ZNF705G: variants seen among roughly 807,000 people sequenced by gnomAD.
ZNF705G encodes the protein zinc finger protein 705G.
Under a neutral mutation model 19.6 loss-of-function variants are expected in ZNF705G, and 23 were observed. That is an observed-to-expected ratio of 1.17 (90% confidence interval 0.84 to 1.66). The LOEUF (loss-of-function observed/expected upper bound fraction) is 1.66. Ranked by LOEUF, ZNF705G falls within the 40% of genes most tolerant of loss-of-function variation. The pLI, the probability that ZNF705G is intolerant of heterozygous loss-of-function variation, is 0.00. For synonymous variants in ZNF705G, 146 were observed against 117.7 expected (o/e 1.24, Z -1.56); for missense variants, 457 against 354.4 (o/e 1.29, Z -2.32).
intron 2 of ZNF705G, among the ~76,000 whole-genome samples, chr8:7,364,246 C>T (rs1222561198): frequency 6.0e-5 from 9 of 149,468 alleles, no homozygotes; most frequent in Non-Finnish European, 8.8e-5. Flanking sequence ...CAGGGGGAAA[C>T]ATGCATGTAT....
chr8:7,358,163 T>G lies in ZNF705G; in HGVS notation c.716A>C (p.Gln239Pro), dbSNP rs756287928. 2.1e-5 allele frequency: 34 copies of G among 1,607,528 alleles called. 2 individuals are homozygous for G. The African/African-American group carries it at 3.7e-4, about 17-fold the overall frequency. The change falls in exon 7 of 7, where the codon CAA becomes CCA. Residue 239 changes from glutamine (Q) to proline (P), a missense_variant. Physicochemically the swap from Gln to Pro is moderately conservative, Grantham distance 76. Coordinates refer to ENST00000400156, the MANE Select transcript of ZNF705G (RefSeq NM_001164457.3). The stretch of plus-strand genomic sequence containing the variant: ...CTCATGTCTTTGAAGGTTAAAGGAT[T>G]GAATAAAGACTTTCCCATATTGATG... ...KCHQYGKVFI[Q>P]SFNLQRHERT...
intron 2 of ZNF705G, among the ~76,000 whole-genome samples, chr8:7,370,148 G>A (rs1483324983): frequency 6.8e-6 from 1 of 148,116 alleles, no homozygotes; most frequent in Non-Finnish European, 1.5e-5. Context: ...CCGGGTGCCT[G>A]TAGTCCCAGC....
rs749081793 is a variant in ZNF705G, at chr8:7,361,116, A to T, written c.133T>A (p.Ser45Thr). 6.3e-7 allele frequency: 1 copy of T among 1,592,690 alleles called. No homozygotes were observed. Among genetic ancestry groups the T allele is most frequent in the Admixed American group, 1.7e-5 (1 of 59,934 alleles). Reference sequence around the variant, plus strand: ...TGAATGTTCAGGGACTCACCGAGGGACACCAGGTGACTGATATTTTCCAGC... The same window carrying T: ...TGAATGTTCAGGGACTCACCGAGGGTCACCAGGTGACTGATATTTTCCAGC... ...VMLENISHLV[S>T]LGYQISKSYI... Residue 45 changes from serine (S) to threonine (T), a missense_variant, in exon 4 of 7, where the codon TCC (serine) becomes ACC (threonine). Ser to Thr is a moderately conservative substitution (Grantham distance 58, BLOSUM62 1). Coordinates refer to ENST00000400156, the MANE Select transcript of ZNF705G (RefSeq NM_001164457.3).
intron 3 of ZNF705G, among the ~76,000 whole-genome samples, chr8:7,361,598 T>A (rs3935666): frequency 6.7e-6 from 1 of 149,736 alleles, no homozygotes; most frequent in Non-Finnish European, 1.5e-5. Context: ...TACAGATTTG[T>A]CACAAGGCAA....
At chr8:7,377,922 C>A (rs1250614199) in intron 2 of ZNF705G, among the ~76,000 whole-genome samples, 1 of 94,772 alleles carries the variant, frequency 1.1e-5, no homozygotes, top group African/African-American at 6.8e-5. Flanking sequence ...ACACTGCACT[C>A]CAGCCTGGGT....
intron 3 of ZNF705G, 137 bp downstream of exon 3, chr8:7,362,798 G>A (rs1806666165): frequency 5.1e-6 from 8 of 1,571,148 alleles, no homozygotes; most frequent in East Asian, 2.2e-5. Context: ...GAACACCCAG[G>A]CAGGGTGGAT....
intron 6 of ZNF705G, 95 bp downstream of exon 6, chr8:7,359,524 C>T (rs1052681475): frequency 1.3e-6 from 2 of 1,568,222 alleles, no homozygotes; most frequent in South Asian, 1.2e-5. Context: ...TTAATGCCAG[C>T]TTAATTACAC....
intron 1 of ZNF705G, among the ~76,000 whole-genome samples, chr8:7,383,424 A>C (rs1349305365): frequency 6.9e-5 from 10 of 144,816 alleles, no homozygotes. Context: ...GCACTGTCTG[A>C]TTACCTTACT....
chr8:7,377,970 A>AAGG (rs1554527851), intron 2 of ZNF705G, among the ~76,000 whole-genome samples: 1 of 110,160 alleles, frequency 9.1e-6, no homozygotes, highest in African/African-American at 4.0e-5. Context: ...AAAAAAAAAA[A>AAGG]AAAAAAAAGT....
At chr8:7,380,825 G>T (rs1807458111) in intron 2 of ZNF705G, among the ~76,000 whole-genome samples, 1 of 144,494 alleles carries the variant, frequency 6.9e-6, no homozygotes, top group South Asian at 2.1e-4. Flanking sequence ...TTCAAGACCA[G>T]CCTGACCAAC....
chr8:7,357,525 A>G lies in ZNF705G; in HGVS notation c.*451T>C, dbSNP rs1306861373. ...GCAGAGTTAGAGATTCTCTACCTGA[A>G]AGTCCCACATGTTTTAAGTTATAGC... On this transcript the variant is annotated 3_prime_UTR_variant, in exon 7 of 7. Coordinates refer to ENST00000400156, the MANE Select transcript of ZNF705G (RefSeq NM_001164457.3). 5 of 201,688 alleles carry G rather than the reference A, an allele frequency of 2.5e-5. No individual in the cohort carries two copies. Among genetic ancestry groups the G allele is most frequent in the Non-Finnish European group, 2.0e-5 (2 of 102,210 alleles). The allele number at this position is 201,688 out of a possible 1,614,324, so 12.5% of individuals were successfully genotyped here. A position where few individuals can be genotyped will look rare whatever the true frequency, so the allele number is the denominator to read the frequency against.
chr8:7,365,092 T>C (rs1474796195), intron 2 of ZNF705G, among the ~76,000 whole-genome samples: 2 of 149,716 alleles, frequency 1.3e-5, no homozygotes, highest in East Asian at 1.9e-4. Context: ...ACAAATATTA[T>C]AAGAAAGTTA....
At position 7,362,861 on chromosome 8, in the gene ZNF705G, G is replaced by A. The variant is rs2128837691; in HGVS notation, c.12+74C>T. The A allele has an allele frequency of 7.6e-6, 12 of 1,579,960 alleles. 1 individual carries two copies. Among genetic ancestry groups the A allele is most frequent in the Middle Eastern group, 4.6e-4 (2 of 4,380 alleles). ...AAAAGAATAAAAATGAAACACCCAT[G>A]CAAATTGGAGAAAACTGCCCATTTG... On this transcript the variant is annotated intron_variant, in intron 3 of 6. Coordinates refer to ENST00000400156, the MANE Select transcript of ZNF705G (RefSeq NM_001164457.3).
chr8:7,368,694 C>T (rs1269944202), intron 2 of ZNF705G, among the ~76,000 whole-genome samples: 3 of 149,630 alleles, frequency 2.0e-5, no homozygotes, highest in South Asian at 2.1e-4. Context: ...TGGTGGCAGC[C>T]CCTCTCCTCA....
At chr8:7,366,126 C>G (rs1402574324) in intron 2 of ZNF705G, among the ~76,000 whole-genome samples, 1 of 148,352 alleles carries the variant, frequency 6.7e-6, no homozygotes, top group Non-Finnish European at 1.5e-5. Flanking sequence ...GAAACCAAAA[C>G]GAATATATAT....
At chr8:7,384,635 G>T (rs1229602922) in intron 1 of ZNF705G, among the ~76,000 whole-genome samples, 1 of 145,126 alleles carries the variant, frequency 6.9e-6, no homozygotes, top group Non-Finnish European at 1.5e-5. Flanking sequence ...GGACAACTTT[G>T]CCTTTTAGGG....
At chr8:7,377,488 CA>C in intron 2 of ZNF705G, 17 of 335,192 alleles carry the variant, frequency 5.1e-5, no homozygotes, top group South Asian at 1.1e-4. Context: ...GCACTACACC[CA>C]AAAAGGACTG....
At chr8:7,380,261 G>A (rs1462987989) in intron 2 of ZNF705G, among the ~76,000 whole-genome samples, 3 of 145,358 alleles carry the variant, frequency 2.1e-5, no homozygotes, top group Admixed American at 6.6e-5. Flanking sequence ...CTATTCCAGG[G>A]CCAGAGCACA....
chr8:7,371,274 A>T lies in ZNF705G; in HGVS notation c.-71-8257T>A, dbSNP rs1246989517. Among the ~76,000 whole-genome samples the T allele has an allele frequency of 1.1e-3, 125 of 111,898 alleles. 3 individuals carry two copies. The highest frequency in any genetic ancestry group is 3.9e-3 in the African/African-American group (120 of 30,956). 73.4% of individuals were successfully genotyped at this position (111,898 alleles called of 152,430 possible). On this transcript the variant is annotated intron_variant, in intron 2 of 6. Coordinates refer to ENST00000400156, the MANE Select transcript of ZNF705G (RefSeq NM_001164457.3). ...GAAATCTAAAATCGACAAACTCACAAAAGCAGAGAGTAGAATGGTGGTTGC... is the reference window on the plus strand; with the variant it reads ...GAAATCTAAAATCGACAAACTCACATAAGCAGAGAGTAGAATGGTGGTTGC...
Sources: gnomAD v4.1 joint callset for allele counts (sites outside exome capture counted in the v4.1 genomes callset) on GRCh38, gnomAD v4.1.1 for gene constraint, MANE v1.5 for transcripts, NCBI Gene and HGNC (gene_info 2026-07-23, HGNC 2026-07-21) for gene names.